Variants in PGAP6 observed in about 807,000 individuals in gnomAD.
PGAP6 encodes the protein post-GPI attachment to proteins factor 6.
A neutral mutation model predicts 68.4 loss-of-function variants in PGAP6; 62 were observed. That is an observed-to-expected ratio of 0.91 (90% CI 0.74 to 1.12). The LOEUF (loss-of-function observed/expected upper bound fraction) is 1.12, where lower values mean the gene tolerates loss of function less well. PGAP6 is among the 50% of genes most tolerant of loss of function. The pLI is 0.00. For missense variants in PGAP6, 1,188 were observed against 1,068.5 expected, an observed-to-expected ratio of 1.11 and a Z score of -1.56; for synonymous variants, 575 against 474.0, an observed-to-expected ratio of 1.21 and a Z score of -2.77.
chr16:386,492 CAGG>C (rs2054485581), upstream of PGAP6, among the ~76,000 whole-genome samples: 2 of 152,208 alleles, frequency 1.3e-5, no homozygotes, highest in Admixed American at 6.5e-5. Context: ...TGTGGTCAGG[CAGG>C]AGGAGTGCAG....
intron 1 of PGAP6, among the ~76,000 whole-genome samples, chr16:379,106 G>A (rs557349191): frequency 8.5e-5 from 13 of 152,308 alleles, no homozygotes; most frequent in African/African-American, 2.2e-4. Flanking sequence ...GTTAATTAAC[G>A]ACAAAGGCTT....
chr16:374,588 C>T (rs866522122), intron 9 of PGAP6, among the ~76,000 whole-genome samples, 168 bp downstream of exon 9: 10 of 151,998 alleles, frequency 6.6e-5, no homozygotes, highest in African/African-American at 1.5e-4. Context: ...GCCAGGCAGA[C>T]GGATTGTTGG....
Position 381,799 on chromosome 16 carries a change from G to A in PGAP6, c.23C>T (p.Thr8Ile), listed in dbSNP as rs1376622181. The A allele has an allele frequency of 1.9e-5, 22 of 1,149,028 alleles. No homozygotes were observed. The East Asian group carries it at 7.4e-4, about 39-fold the overall frequency. The allele number at this position is 1,149,028 out of a possible 1,614,324, so 71.2% of individuals were successfully genotyped here. A position where few individuals can be genotyped will look rare whatever the true frequency, so the allele number is the denominator to read the frequency against. The change falls in exon 1 of 13, where the codon ACC becomes ATC. Residue 8 changes from threonine (T) to isoleucine (I), a missense_variant. Physicochemically the swap from Thr to Ile is moderately conservative, Grantham distance 89. Coordinates refer to ENST00000431232, the MANE Select transcript of PGAP6 (RefSeq NM_021259.3). ...CACCGCGGCCACCGCCTCGCCCCCG[G>A]TCCCGGTGCCAGCCCGGCCCATGGC... MGRAGTG[T>I]GGEAVAAVVA...
At chr16:377,230 C>T in intron 3 of PGAP6, 66 bp from the exon 4 acceptor site, 1 of 1,606,254 alleles carries the variant, frequency 6.2e-7, no homozygotes, top group South Asian at 1.1e-5. Flanking sequence ...CATGGTCTCA[C>T]CAGACGCCCC....
upstream of PGAP6, chr16:383,552 T>C (rs763148): frequency 0.38 from 57,521 of 152,204 alleles, 11,178 homozygotes; most frequent in African/African-American, 0.48. Context: ...AGACAGAGCG[T>C]GGCCGAGACA....
intron 1 of PGAP6, among the ~76,000 whole-genome samples, chr16:380,914 A>C (rs2054431662): frequency 6.6e-6 from 1 of 152,156 alleles, no homozygotes; most frequent in Admixed American, 6.5e-5. Context: ...CAGAAAGGAC[A>C]CGGCCCCTCC....
chr16:385,748 C>T (rs983781967), upstream of PGAP6, among the ~76,000 whole-genome samples: 5 of 150,984 alleles, frequency 3.3e-5, no homozygotes, highest in African/African-American at 1.2e-4. Context: ...CCTCAGCCTC[C>T]CGAGTAGCTG....
At chr16:383,833 C>A (rs1484360485), upstream of PGAP6, among the ~76,000 whole-genome samples, 5 of 134,386 alleles carry the variant, frequency 3.7e-5, no homozygotes, top group Admixed American at 7.6e-5. Flanking sequence ...AACGCCGCAG[C>A]GGGTGGTGAG....
chr16:373,839 G>C (rs368290252), intron 11 of PGAP6, among the ~76,000 whole-genome samples, 166 bp downstream of exon 11: 5 of 148,400 alleles, frequency 3.4e-5, no homozygotes, highest in South Asian at 2.1e-4. Context: ...CACCATGCTC[G>C]GCCTAGGGAT....
chr16:379,165 T>C (rs1238774761), intron 1 of PGAP6, among the ~76,000 whole-genome samples: 1 of 152,172 alleles, frequency 6.6e-6, no homozygotes, highest in Non-Finnish European at 1.5e-5. Flanking sequence ...CCCTCCCCTC[T>C]GCTGCAGCTC....
At chr16:382,510 C>G (rs761172995), upstream of PGAP6, 210 of 358,398 alleles carry the variant, frequency 5.9e-4, no homozygotes, top group Non-Finnish European at 9.8e-4. Context: ...TATGCACAGA[C>G]GAGAAGGCTG....
chr16:372,843 A>C (rs1190376713), intron 11 of PGAP6, 116 bp from the exon 12 acceptor site: 9 of 685,028 alleles, frequency 1.3e-5, no homozygotes, highest in East Asian at 5.5e-5. Context: ...AGCTGCTGCC[A>C]CCCTCAGACC....
At chr16:382,223 C>T (rs1567327508), upstream of PGAP6, 1 of 393,106 alleles carries the variant, frequency 2.5e-6, no homozygotes, top group Admixed American at 4.4e-5. Flanking sequence ...CGGGCGCGCT[C>T]GGAACACGCA....
At chr16:376,920 T>A in intron 4 of PGAP6, 108 bp from the exon 5 acceptor site, 1 of 1,558,752 alleles carries the variant, frequency 6.4e-7, no homozygotes, top group Non-Finnish European at 8.6e-7. Context: ...GGGCCAGGCA[T>A]CTGGACCACT....
At chr16:385,935 T>C (rs553766739), upstream of PGAP6, among the ~76,000 whole-genome samples, 7 of 152,248 alleles carry the variant, frequency 4.6e-5, no homozygotes, top group South Asian at 1.5e-3. Flanking sequence ...ACTCTGAATA[T>C]TTATGCAACT....
Position 376,570 on chromosome 16 carries a change from G to T in PGAP6, c.878C>A (p.Ala293Asp). ...TGTGAGGGCAGCTACAGCACTGAAA[G>T]CCACTGTCCCGAGGGGCCCCACCAG... is the stretch of plus-strand genomic sequence containing the variant. ...ESLVGPLGTV[A>D]FSAVAALTAC... Residue 293 changes from alanine (A) to aspartate (D), a missense_variant, in exon 5 of 13, where the codon GCT (alanine) becomes GAT (aspartate). Coordinates refer to ENST00000431232, the MANE Select transcript of PGAP6 (RefSeq NM_021259.3). 1 of 1,557,240 alleles carries T rather than the reference G, an allele frequency of 6.4e-7. No individual in the cohort carries two copies. Among genetic ancestry groups the T allele is most frequent in the Non-Finnish European group, 8.7e-7 (1 of 1,150,748 alleles).
chr16:376,363 G>A lies in PGAP6; in HGVS notation c.997C>T (p.Pro333Ser), dbSNP rs181400305. Residue 333 changes from proline to serine, a missense_variant, in exon 6 of 13, where the codon CCC (proline) becomes TCC (serine). Coordinates refer to ENST00000431232, the MANE Select transcript of PGAP6 (RefSeq NM_021259.3). Reference protein sequence around the residue: ...NASSGLLSPSPDHQDLGRSGR... With the variant: ...NASSGLLSPSSDHQDLGRSGR... Reference sequence around the variant, plus strand: ...CTCCTGCCCAGGTCCTGGTGGTCGGGGCTCGGGGACAGCAGACCAGAGGAG... The same window carrying A: ...CTCCTGCCCAGGTCCTGGTGGTCGGAGCTCGGGGACAGCAGACCAGAGGAG... 52 of 1,612,040 alleles carry A rather than the reference G, an allele frequency of 3.2e-5. No homozygotes were observed. The Admixed American group carries it at 3.3e-4, about 10-fold the overall frequency.
At chr16:375,622 C>T (rs2054375908) in intron 6 of PGAP6, among the ~76,000 whole-genome samples, 187 bp from the exon 7 acceptor site, 1 of 151,892 alleles carries the variant, frequency 6.6e-6, no homozygotes, top group Admixed American at 6.6e-5. Flanking sequence ...AACCTCCGCC[C>T]CTGGGTTCAT....
Position 371,769 on chromosome 16 carries a change from G to A in PGAP6, c.*218C>T. ...AGGGGCCACTGCAGACAGCAGCTGG[G>A]ATCTGCAGAGGGATCTCAGCAGCGA... On this transcript the variant is annotated 3_prime_UTR_variant, in exon 13 of 13. Coordinates refer to ENST00000431232, the MANE Select transcript of PGAP6 (RefSeq NM_021259.3). 1 of 565,260 alleles carries A rather than the reference G, an allele frequency of 1.8e-6. No individual in the cohort carries two copies. The highest frequency in any genetic ancestry group is 3.0e-5 in the East Asian group (1 of 32,870). 35.0% of individuals were successfully genotyped at this position (565,260 alleles called of 1,614,324 possible).
Sources: gnomAD v4.1 joint callset for allele counts (sites outside exome capture counted in the v4.1 genomes callset) on GRCh38, gnomAD v4.1.1 for gene constraint, MANE v1.5 for transcripts, NCBI Gene and HGNC (gene_info 2026-07-23, HGNC 2026-07-21) for gene names.